Variants in SLC6A9 observed in about 807,000 individuals in gnomAD.
SLC6A9 encodes the protein solute carrier family 6 member 9.
A neutral mutation model predicts 70.9 loss-of-function variants in SLC6A9; 31 were observed. That is an observed-to-expected ratio of 0.44 (90% CI 0.33 to 0.59). The LOEUF is 0.59. Among genes scored for constraint, SLC6A9 ranks in the 20% least tolerant of loss-of-function variants. The pLI is 0.04. For synonymous variants in SLC6A9, 310 were observed against 341.3 expected (o/e 0.91, Z 1.01); for missense variants, 631 against 845.2 (o/e 0.75, Z 3.14).
At chr1:44,017,368 A>AAC (rs3038812) in intron 2 of SLC6A9, 11,485 of 826,972 alleles carry the variant, frequency 0.014, 37 homozygotes, top group Admixed American at 0.028. Flanking sequence ...TAACTGGAAC[A>AAC]ACACACACAC....
At chr1:44,029,588 T>C (rs2087054635) in intron 1 of SLC6A9, among the ~76,000 whole-genome samples, 1 of 152,216 alleles carries the variant, frequency 6.6e-6, no homozygotes, top group African/African-American at 2.4e-5. Flanking sequence ...GTCCTCCCCG[T>C]TGCTGTCAGC....
chr1:44,008,985 G>T (rs1347958293), intron 4 of SLC6A9, among the ~76,000 whole-genome samples: 1 of 148,578 alleles, frequency 6.7e-6, no homozygotes, highest in Non-Finnish European at 1.5e-5. Context: ...CTCCCGAAGT[G>T]CTGGGATTAC....
intron 4 of SLC6A9, among the ~76,000 whole-genome samples, chr1:44,009,110 T>G (rs908454608): frequency 7.2e-6 from 1 of 138,220 alleles, no homozygotes; most frequent in Admixed American, 8.0e-5. Flanking sequence ...CACTGCAACC[T>G]CCGCCTCCCA....
chr1:44,004,090 G>A (rs2086225834), intron 5 of SLC6A9, among the ~76,000 whole-genome samples: 1 of 151,630 alleles, frequency 6.6e-6, no homozygotes, highest in South Asian at 2.1e-4. Flanking sequence ...CGTCTCCCAG[G>A]TTCAAGCGAT....
At chr1:44,014,381 C>T (rs1219845263) in intron 2 of SLC6A9, among the ~76,000 whole-genome samples, 1 of 152,038 alleles carries the variant, frequency 6.6e-6, no homozygotes, top group Non-Finnish European at 1.5e-5. Flanking sequence ...TCCCCAAGCT[C>T]TCCCAGCCAT....
chr1:43,997,756 T>TGGGGCACAGGGGC lies in SLC6A9; in HGVS notation c.1708-30_1708-18dup. On this transcript the variant is annotated splice_polypyrimidine_tract_variant and intron_variant, in intron 13 of 13. Transcript: ENST00000372310. This position sits in a 1 kb window ranked among gnomAD's most constrained non-coding sequence, Gnocchi z 4.4. The stretch of plus-strand genomic sequence containing the variant: ...TTTCAAACGCTGCATGAGGTAGGCA[T>TGGGGCACAGGGGC]GGGGCACAGGGGCAGGGCACGTCAG... 1 of 1,601,398 alleles carries TGGGGCACAGGGGC rather than the reference T, an allele frequency of 6.2e-7. No individual in the cohort carries two copies. The highest frequency in any genetic ancestry group is 8.5e-7 in the Non-Finnish European group (1 of 1,173,080).
chr1:43,998,982 A>AGT (rs1553160175), intron 12 of SLC6A9, among the ~76,000 whole-genome samples: 11 of 134,578 alleles, frequency 8.2e-5, no homozygotes, highest in Non-Finnish European at 1.3e-4. Context: ...TGGCGGGGGA[A>AGT]GGGGGGGGGC....
At chr1:44,017,052 C>T (rs777187869) in intron 2 of SLC6A9, 3 of 1,597,484 alleles carry the variant, frequency 1.9e-6, no homozygotes, top group East Asian at 2.3e-5. Context: ...CTGACCTGTT[C>T]TGGGGAAGAG....
chr1:44,001,164 C>T lies in SLC6A9; in HGVS notation c.1335G>A (p.Gln445=). ...AGCCCTTCCCTTACGCAGCTCTTAC[C>T]TGGCTGGTGAGGGGGATGCCCAGCA... ...GFLLGIPLTS[Q]AGIYWLLLMD... is the part of the protein sequence containing the mutation. The change falls in exon 10 of 14, where the codon CAG becomes CAA. Residue 445 remains glutamine, a splice_region_variant and synonymous_variant. Coordinates refer to ENST00000372310, the MANE Select transcript of SLC6A9 (RefSeq NM_001024845.3). 6.2e-7 allele frequency: 1 copy of T among 1,614,228 alleles called. No homozygotes were observed. Among genetic ancestry groups the T allele is most frequent in the Non-Finnish European group, 8.5e-7 (1 of 1,180,038 alleles).
At chr1:44,030,189 C>T (rs2087075002) in intron 1 of SLC6A9, among the ~76,000 whole-genome samples, 1 of 152,110 alleles carries the variant, frequency 6.6e-6, no homozygotes, top group Non-Finnish European at 1.5e-5. Context: ...GCACCGCCCG[C>T]AGCGTCCCGG....
chr1:44,001,515 C>T lies in SLC6A9; in HGVS notation c.1075G>A (p.Val359Met). 1.2e-6 allele frequency: 2 copies of T among 1,614,222 alleles called. No homozygotes were observed. Among genetic ancestry groups the T allele is most frequent in the Non-Finnish European group, 1.7e-6 (2 of 1,180,036 alleles). ...ANHLGVDVSR[V>M]ADHGPGLAFV... ...GCCAGGCCAGGGCCGTGGTCTGCCACACGGGACACATCCACGCCCAGGTGA... is the reference window on the plus strand; with the variant it reads ...GCCAGGCCAGGGCCGTGGTCTGCCATACGGGACACATCCACGCCCAGGTGA... The change falls in exon 9 of 14, where the codon GTG (valine) becomes ATG (methionine). Residue 359 changes from valine (V) to methionine (M), a missense_variant. Coordinates refer to ENST00000372310, the MANE Select transcript of SLC6A9 (RefSeq NM_001024845.3).
At position 43,997,474 on chromosome 1, in the gene SLC6A9, G is replaced by A. The variant is rs1571831182; in HGVS notation, c.*71C>T. 3.6e-6 allele frequency: 5 copies of A among 1,388,324 alleles called. No homozygotes were observed. In the East Asian group the frequency reaches 1.1e-4, roughly 32 times the overall value. The allele number at this position is 1,388,324 out of a possible 1,614,324, so 86.0% of individuals were successfully genotyped here. ...TGGCAGGGGGCAGGCAGAGACACCTGGCCTCTGCCTCACCAGTCTCTGCGG... is the reference window on the plus strand; with the variant it reads ...TGGCAGGGGGCAGGCAGAGACACCTAGCCTCTGCCTCACCAGTCTCTGCGG... On this transcript the variant is annotated 3_prime_UTR_variant, in exon 14 of 14. Transcript: ENST00000372310. This position sits in a 1 kb window ranked among gnomAD's most constrained non-coding sequence, Gnocchi z 4.4.
rs201859476 is a variant in SLC6A9 at position 44,008,468 on chromosome 1, C to T, written c.475G>A (p.Val159Ile). The T allele has an allele frequency of 9.9e-6, 16 of 1,614,190 alleles. No homozygotes were observed. The highest frequency in any genetic ancestry group is 1.3e-5 in the Non-Finnish European group (15 of 1,180,016). ...NPWNTHDCAG[V>I]LDASNLTNGS... Reference sequence around the variant, plus strand: ...TTGGTGAGGTTGGAGGCGTCCAGTACACCGGCGCAGTCATGCGTGTTCCAG... The same window carrying T: ...TTGGTGAGGTTGGAGGCGTCCAGTATACCGGCGCAGTCATGCGTGTTCCAG... The change falls in exon 5 of 14, where the codon GTA becomes ATA. Residue 159 changes from valine to isoleucine, a missense_variant. Coordinates refer to ENST00000372310, the MANE Select transcript of SLC6A9 (RefSeq NM_001024845.3).
Position 44,011,687 on chromosome 1 carries a change from C to T in SLC6A9, c.31-805G>A, listed in dbSNP as rs772994939. 1.8e-5 allele frequency: 29 copies of T among 1,613,860 alleles called. No individual in the cohort carries two copies. The highest frequency in any genetic ancestry group is 2.5e-5 in the Non-Finnish European group (29 of 1,179,958). On this transcript the variant is annotated intron_variant, in intron 2 of 13. Coordinates refer to ENST00000372310, the MANE Select transcript of SLC6A9 (RefSeq NM_001024845.3). The stretch of plus-strand genomic sequence containing the variant: ...AGGGAGTGGCTCCAGAAAAGGGTGG[C>T]AGGAAGAAGGATCTCTGAACAGGGA...
chr1:44,017,779 G>C (rs980715776), intron 2 of SLC6A9, among the ~76,000 whole-genome samples: 1 of 152,262 alleles, frequency 6.6e-6, no homozygotes, highest in African/African-American at 2.4e-5. Context: ...AGTGAACCAC[G>C]CTGTCAGCTG....
chr1:44,025,676 T>G (rs2086970126), intron 1 of SLC6A9, among the ~76,000 whole-genome samples: 1 of 151,824 alleles, frequency 6.6e-6, no homozygotes, highest in Non-Finnish European at 1.5e-5. Flanking sequence ...GGCAGGTGCC[T>G]GTAATCCCAG....
rs1232625229 is a variant in SLC6A9 at position 43,999,020 on chromosome 1, C to T, written c.1537-995G>A. ...TCCCAGCACCCTCCTCCTGAGCCTC[C>T]AGCCACATCCTGGAGCACAGGGCCA... On this transcript the variant is annotated intron_variant, in intron 12 of 13. Coordinates refer to ENST00000372310, the MANE Select transcript of SLC6A9 (RefSeq NM_001024845.3). 2.6e-5 allele frequency among the ~76,000 whole-genome samples: 4 copies of T among 151,658 alleles called. No individual in the cohort carries two copies. In the East Asian group the frequency reaches 5.9e-4, roughly 22 times the overall value.
chr1:44,002,555 A>G lies in SLC6A9; in HGVS notation c.815T>C (p.Met272Thr), dbSNP rs1486248694. The change falls in exon 7 of 14, where the codon ATG (methionine) becomes ACG (threonine). Residue 272 changes from methionine (M) to threonine (T), a missense_variant. Physicochemically the swap from Met to Thr is moderately conservative, Grantham distance 81. Coordinates refer to ENST00000372310, the MANE Select transcript of SLC6A9 (RefSeq NM_001024845.3). This position sits in a 1 kb window ranked among gnomAD's most constrained non-coding sequence, Gnocchi z 5.5. ...GTCCCACTGCGGGGTTAGGTAGTAC[A>G]TGATGCCGTCAAAGGCTCCCTCCAG... ...VTLEGAFDGI[M>T]YYLTPQWDKI... 2.5e-6 allele frequency: 4 copies of G among 1,613,952 alleles called. No individual in the cohort carries two copies. In the East Asian group the frequency reaches 6.7e-5, roughly 27 times the overall value.
chr1:44,016,542 C>T (rs1261585420), intron 2 of SLC6A9: 1 of 158,150 alleles, frequency 6.3e-6, no homozygotes, highest in African/African-American at 2.4e-5. Flanking sequence ...GGCACTTGCC[C>T]TGGACCCTGG....
Sources: gnomAD v4.1 joint callset for allele counts (sites outside exome capture counted in the v4.1 genomes callset) on GRCh38, gnomAD v4.1.1 for gene constraint, Gnocchi (gnomAD v3.1) non-coding constraint, MANE v1.5 for transcripts, NCBI Gene and HGNC (gene_info 2026-07-23, HGNC 2026-07-21) for gene names.